Variants in DAB1 observed in about 807,000 individuals in gnomAD.
DAB1 encodes the protein disabled homolog 1.
In DAB1, 15 loss-of-function variants were observed where a neutral mutation model predicts 64.6. The observed-to-expected ratio is 0.23, with a 90% confidence interval of 0.16 to 0.36. The LOEUF (loss-of-function observed/expected upper bound fraction) is 0.36, where lower values mean the gene tolerates loss of function less well. Among genes scored for constraint, DAB1 ranks in the 10% least tolerant of loss-of-function variants. DAB1 has a pLI of 1.00. For missense variants in DAB1, 596 were observed against 706.7 expected, an observed-to-expected ratio of 0.84 and a Z score of 1.78; for synonymous variants, 235 against 251.9, an observed-to-expected ratio of 0.93 and a Z score of 0.64.
rs187358770 is a variant in DAB1 at position 57,170,044 on chromosome 1, T to A, written c.68-24615A>T. 5.9e-4 allele frequency among the ~76,000 whole-genome samples: 90 copies of A among 151,664 alleles called. 1 individual carries two copies. In the East Asian group the frequency reaches 0.013, roughly 22 times the overall value. Reference sequence around the variant, plus strand: ...CAGAGTCTCACTCTGTCACCCAGGCTGGAGTGCAGTGGTGTGAACTCGGCT... The same window carrying A: ...CAGAGTCTCACTCTGTCACCCAGGCAGGAGTGCAGTGGTGTGAACTCGGCT... On this transcript the variant is annotated intron_variant, in intron 2 of 14. Coordinates refer to ENST00000371236, the MANE Select transcript of DAB1 (RefSeq NM_001365792.1).
intron 6 of DAB1, among the ~76,000 whole-genome samples, chr1:57,800,291 C>A (rs1375061379): frequency 1.3e-5 from 2 of 152,050 alleles, no homozygotes; most frequent in African/African-American, 2.4e-5. Context: ...GCTGGAGACA[C>A]AATCAGCAGG....
At chr1:57,008,578 AT>A (rs942884417) in intron 14 of DAB1, among the ~76,000 whole-genome samples, 1 of 152,136 alleles carries the variant, frequency 6.6e-6, no homozygotes, top group Non-Finnish European at 1.5e-5. Flanking sequence ...TTTTATCCTT[AT>A]TTTTCAAATG....
intron 7 of DAB1, among the ~76,000 whole-genome samples, chr1:57,478,586 CTTTTTTTTTT>C (rs35538831): frequency 2.5e-5 from 2 of 81,216 alleles, no homozygotes; most frequent in African/African-American, 5.3e-5. Context: ...TATTCCCATT[CTTTTTTTTTT>C]TTTTTTTTTT....
At chr1:57,741,444 C>T (rs1647986134) in intron 6 of DAB1, among the ~76,000 whole-genome samples, 1 of 152,144 alleles carries the variant, frequency 6.6e-6, no homozygotes, top group Non-Finnish European at 1.5e-5. Flanking sequence ...CAAAAGCAAC[C>T]ATTAGCTTAA....
In DAB1 at chr1:58,253,631, C is replaced by T. The variant is rs913742712; in HGVS notation, n.309+89721G>A. 3.3e-5 allele frequency among the ~76,000 whole-genome samples: 5 copies of T among 152,180 alleles called. No individual in the cohort carries two copies. The South Asian group carries it at 1.0e-3, about 32-fold the overall frequency. On this transcript the variant is annotated intron_variant and non_coding_transcript_variant, in intron 4 of 20. Transcript: ENST00000485760. ...TATTTCCTGTGATATTCACAAGAAT[C>T]CTTGAAGGGAAATGATCATCCCTAT...
chr1:57,403,780 G>A (rs1230561400), intron 1 of DAB1, among the ~76,000 whole-genome samples: 1 of 152,096 alleles, frequency 6.6e-6, no homozygotes. Flanking sequence ...ATGCTGTCCA[G>A]TATAATAGCC....
intron 5 of DAB1, among the ~76,000 whole-genome samples, chr1:58,072,343 G>A (rs1451340077): frequency 6.6e-6 from 1 of 152,116 alleles, no homozygotes. Context: ...ACACCAATAT[G>A]GAGGTAGTTA....
intron 5 of DAB1, among the ~76,000 whole-genome samples, chr1:57,932,554 T>C (rs890086959): frequency 1.3e-4 from 19 of 151,398 alleles, no homozygotes; most frequent in Admixed American, 7.3e-4. Flanking sequence ...CCAATTACAA[T>C]AGTGGATTCA....
chr1:58,403,578 TG>T (rs1644590856), intron 3 of DAB1, among the ~76,000 whole-genome samples: 1 of 152,230 alleles, frequency 6.6e-6, no homozygotes, highest in Non-Finnish European at 1.5e-5. Flanking sequence ...ACCCAATTAA[TG>T]TCACTAGCTG....
intron 7 of DAB1, among the ~76,000 whole-genome samples, chr1:57,559,581 A>G (rs1645028194): frequency 6.6e-6 from 1 of 152,174 alleles, no homozygotes. Flanking sequence ...GTGACCCTCC[A>G]GTTAAAATAG....
chr1:57,552,224 T>A (rs1040460149), intron 7 of DAB1, among the ~76,000 whole-genome samples: 1 of 152,172 alleles, frequency 6.6e-6, no homozygotes, highest in African/African-American at 2.4e-5. Context: ...CATGAGTCAT[T>A]TTTTATTCTA....
intron 6 of DAB1, among the ~76,000 whole-genome samples, chr1:57,697,678 G>T (rs535390541): frequency 6.6e-6 from 1 of 152,210 alleles, no homozygotes; most frequent in East Asian, 1.9e-4. Context: ...GTTTTCACAG[G>T]CTCAACAAAC....
intron 6 of DAB1, among the ~76,000 whole-genome samples, chr1:57,775,200 C>CAAA (rs1317011697): frequency 6.7e-4 from 101 of 150,934 alleles, no homozygotes; most frequent in South Asian, 3.3e-3. Context: ...TTTTATTGAC[C>CAAA]TTTTCCAAGA....
intron 7 of DAB1, among the ~76,000 whole-genome samples, chr1:57,583,173 A>G (rs1229773145): frequency 6.6e-6 from 1 of 152,050 alleles, no homozygotes; most frequent in Non-Finnish European, 1.5e-5. Flanking sequence ...AGCTACTTTT[A>G]TCCAGGTCAT....
intron 7 of DAB1, among the ~76,000 whole-genome samples, chr1:57,565,817 A>C (rs903682504): frequency 1.2e-4 from 18 of 152,176 alleles, no homozygotes; most frequent in African/African-American, 4.3e-4. Flanking sequence ...ACTCCCACAC[A>C]ATAATAATGA....
intron 1 of DAB1, chr1:57,386,745 TG>T (rs1681900115): frequency 9.0e-6 from 1 of 111,524 alleles, no homozygotes; most frequent in Non-Finnish European, 1.9e-5. Flanking sequence ...TGTGCGTGTG[TG>T]TGTGTGTGTG....
At position 57,023,476 on chromosome 1, in the gene DAB1, C is replaced by G. The variant is rs1646685698; in HGVS notation, c.895+55G>C. Reference sequence around the variant, plus strand: ...CGGTGGCTGGCTCTGTAAACTCTTTCTCTCTCTTAATGAGTGAAGGCCAAA... The same window carrying G: ...CGGTGGCTGGCTCTGTAAACTCTTTGTCTCTCTTAATGAGTGAAGGCCAAA... On this transcript the variant is annotated intron_variant, in intron 11 of 14. Coordinates refer to ENST00000371236, the MANE Select transcript of DAB1 (RefSeq NM_001365792.1). 3.9e-6 allele frequency: 4 copies of G among 1,021,464 alleles called. No homozygotes were observed. In the South Asian group the frequency reaches 5.4e-5, roughly 14 times the overall value. The allele number at this position is 1,021,464 out of a possible 1,614,324, so 63.3% of individuals were successfully genotyped here.
At chr1:57,871,076 G>A (rs12041148) in intron 1 of DAB1, among the ~76,000 whole-genome samples, 1 of 152,270 alleles carries the variant, frequency 6.6e-6, no homozygotes, top group Non-Finnish European at 1.5e-5. Context: ...TTGTGAACGA[G>A]ATATACCAGG....
intron 1 of DAB1, among the ~76,000 whole-genome samples, chr1:57,837,016 C>G (rs1652837704): frequency 6.6e-6 from 1 of 152,180 alleles, no homozygotes; most frequent in Non-Finnish European, 1.5e-5. Context: ...CTGCTCCCTT[C>G]TAATCCATCA....
Sources: allele counts gnomAD v4.1 joint callset (sites outside exome capture counted in the v4.1 genomes callset), GRCh38; gene constraint gnomAD v4.1.1; transcripts MANE v1.5; gene names NCBI Gene and HGNC (gene_info 2026-07-23, HGNC 2026-07-21).